Variants in KCNQ5 observed in about 807,000 individuals in gnomAD.
KCNQ5 encodes potassium voltage-gated channel subfamily Q member 5.
Under a neutral mutation model 98.2 loss-of-function variants are expected in KCNQ5, and 30 were observed. The observed-to-expected ratio is 0.31, with a 90% CI of 0.23 to 0.41. The LOEUF is 0.41. Among genes scored for constraint, KCNQ5 ranks in the 10% least tolerant of loss-of-function variants. The pLI, the probability that KCNQ5 is intolerant of heterozygous loss-of-function variation, is 1.00. For missense variants in KCNQ5, 835 were observed against 1,182.5 expected (o/e 0.71, Z 4.31); for synonymous variants, 458 against 449.4 (o/e 1.02, Z -0.24).
chr6:73,035,358 T>C (rs1771365476), intron 2 of KCNQ5, among the ~76,000 whole-genome samples: 1 of 152,212 alleles, frequency 6.6e-6, no homozygotes, highest in Non-Finnish European at 1.5e-5. Context: ...GACAGGACCA[T>C]TGTTAATAAC....
At chr6:72,990,692 A>G (rs1160364606) in intron 1 of KCNQ5, among the ~76,000 whole-genome samples, 1 of 109,730 alleles carries the variant, frequency 9.1e-6, no homozygotes, top group Admixed American at 1.1e-4. Context: ...TTCCAACACT[A>G]TGTTGAATAG....
In KCNQ5 at chr6:73,092,086, T is replaced by G. The variant is rs138238438; in HGVS notation, c.919-13171T>G. 1.9e-3 allele frequency among the ~76,000 whole-genome samples: 284 copies of G among 151,782 alleles called. 6 individuals carry two copies. The East Asian group carries it at 0.045, about 24-fold the overall frequency. ...TATTCCTAAGTTTTGTGGATTTTTT[T>G]TTTGTTTGTTTGTTTTTTGTTTCGT... On this transcript the variant is annotated intron_variant, in intron 5 of 13. Transcript: ENST00000370398.
intron 10 of KCNQ5, among the ~76,000 whole-genome samples, chr6:73,155,321 T>C (rs1777318055): frequency 6.6e-6 from 1 of 152,242 alleles, no homozygotes; most frequent in African/African-American, 2.4e-5. Context: ...ATTGTGAGTG[T>C]CCCTTGCTAT....
chr6:73,012,023 T>G (rs1770084036), intron 2 of KCNQ5, among the ~76,000 whole-genome samples: 1 of 152,106 alleles, frequency 6.6e-6, no homozygotes, highest in Non-Finnish European at 1.5e-5. Flanking sequence ...TTGGTGGGAC[T>G]GTGAAATGCT....
rs547175121 is a variant in KCNQ5, at chr6:73,139,845, G to A, written c.1468+6204G>A. 6.6e-5 allele frequency among the ~76,000 whole-genome samples: 10 copies of A among 152,070 alleles called. No homozygotes were observed. The East Asian group carries it at 1.9e-3, about 29-fold the overall frequency. ...CTCCTCAGCAGCTTCCTGACACCTCGCTCCTCAAGCTGTTTCTCTTGGTGA... is the reference window on the plus strand; with the variant it reads ...CTCCTCAGCAGCTTCCTGACACCTCACTCCTCAAGCTGTTTCTCTTGGTGA... On this transcript the variant is annotated intron_variant, in intron 10 of 13. Coordinates refer to ENST00000370398, the MANE Select transcript of KCNQ5 (RefSeq NM_019842.4).
chr6:72,954,761 T>C (rs1766966098), intron 1 of KCNQ5, among the ~76,000 whole-genome samples: 1 of 152,188 alleles, frequency 6.6e-6, no homozygotes, highest in Admixed American at 6.5e-5. Context: ...TAAGTTAGTT[T>C]AAATGGTTGG....
intron 1 of KCNQ5, among the ~76,000 whole-genome samples, chr6:72,956,826 C>T (rs1301337597): frequency 6.6e-6 from 1 of 152,004 alleles, no homozygotes; most frequent in Non-Finnish European, 1.5e-5. Flanking sequence ...GAAACTCTGG[C>T]TTTCCCCCCT....
rs1480101396 is a variant in KCNQ5 at position 72,986,631 on chromosome 6, G to A, written c.399-17277G>A. On this transcript the variant is annotated intron_variant, in intron 1 of 13. Coordinates refer to ENST00000370398, the MANE Select transcript of KCNQ5 (RefSeq NM_019842.4). ...CCTGACACCACGCTGCGTGCCAGAC[G>A]GTCAGAGAAGTCACCCAATCCCAGG... is the stretch of plus-strand genomic sequence containing the variant. 25 of 708,296 alleles carry A rather than the reference G, an allele frequency of 3.5e-5. 1 individual carries two copies. The highest frequency in any genetic ancestry group is 4.0e-5 in the Non-Finnish European group (16 of 398,644). The allele number at this position is 708,296 out of a possible 1,614,324, so 43.9% of individuals were successfully genotyped here.
chr6:73,160,207 G>A (rs1015405785), intron 10 of KCNQ5, among the ~76,000 whole-genome samples: 64 of 151,798 alleles, frequency 4.2e-4, no homozygotes, highest in African/African-American at 1.5e-3. Flanking sequence ...TAGTAGAGAC[G>A]GGGTTTCACC....
At chr6:72,972,485 T>C (rs1490311913) in intron 1 of KCNQ5, among the ~76,000 whole-genome samples, 2 of 151,628 alleles carry the variant, frequency 1.3e-5, no homozygotes, top group Non-Finnish European at 2.9e-5. Flanking sequence ...CCCTAAGTTT[T>C]CTCCCCTCAC....
At chr6:72,914,014 G>A (rs528287158) in intron 1 of KCNQ5, among the ~76,000 whole-genome samples, 1 of 152,292 alleles carries the variant, frequency 6.6e-6, no homozygotes, top group South Asian at 2.1e-4. Flanking sequence ...TCCAGGTGTA[G>A]GGAGGGCACC....
At chr6:73,130,213 C>T (rs1776172473) in intron 9 of KCNQ5, among the ~76,000 whole-genome samples, 1 of 152,190 alleles carries the variant, frequency 6.6e-6, no homozygotes. Flanking sequence ...GGCTAAAACC[C>T]TAATTAAGTA....
chr6:73,169,751 A>G lies in KCNQ5; in HGVS notation c.1474A>G (p.Thr492Ala), dbSNP rs974417513. The change falls in exon 11 of 14, where the codon ACA becomes GCA. Residue 492 changes from threonine (T) to alanine (A), a missense_variant. Physicochemically the swap from Thr to Ala is moderately conservative, Grantham distance 58. Coordinates refer to ENST00000370398, the MANE Select transcript of KCNQ5 (RefSeq NM_019842.4). ...SQPKPVIDADTALGTDDVYDE... is the reference protein window; with the variant it reads ...SQPKPVIDADAALGTDDVYDE... ...CTGGCAATATTCTCTTGCAGCTGAC[A>G]CAGCCCTTGGCACTGATGATGTATA... 1.2e-6 allele frequency: 2 copies of G among 1,611,048 alleles called. No homozygotes were observed. The highest frequency in any genetic ancestry group is 2.7e-5 in the African/African-American group (2 of 74,866).
chr6:72,900,100 T>A (rs1373853238), intron 1 of KCNQ5, among the ~76,000 whole-genome samples: 1 of 152,152 alleles, frequency 6.6e-6, no homozygotes, highest in Non-Finnish European at 1.5e-5. Flanking sequence ...CCTCCCAAAC[T>A]GCTGGGATTA....
chr6:73,163,897 A>G (rs938568124), intron 10 of KCNQ5, among the ~76,000 whole-genome samples: 1 of 152,058 alleles, frequency 6.6e-6, no homozygotes, highest in Non-Finnish European at 1.5e-5. Context: ...GCCCCTTCTA[A>G]TTTTCGCTAT....
intron 1 of KCNQ5, among the ~76,000 whole-genome samples, chr6:72,635,670 G>GTTTTTTTTTTTTTTTTTTTTTT (rs528990234): frequency 4.0e-4 from 26 of 65,070 alleles, no homozygotes; most frequent in African/African-American, 8.0e-4. Context: ...ATTGCTCCTA[G>GTTTTTTTTTTTTTTTTTTTTTT]TTTTTTTTTT....
chr6:72,924,181 C>T (rs887571982), intron 1 of KCNQ5, among the ~76,000 whole-genome samples: 1 of 151,688 alleles, frequency 6.6e-6, no homozygotes, highest in Non-Finnish European at 1.5e-5. Context: ...ATAACATGCT[C>T]ACTTGAGATC....
chr6:73,034,400 G>T (rs778439752), intron 2 of KCNQ5, among the ~76,000 whole-genome samples: 17 of 152,188 alleles, frequency 1.1e-4, no homozygotes, highest in Non-Finnish European at 2.4e-4. Flanking sequence ...AAGAATTGCT[G>T]CAAATGTCAC....
chr6:73,083,913 A>C (rs1319815119), intron 5 of KCNQ5, among the ~76,000 whole-genome samples: 1 of 152,244 alleles, frequency 6.6e-6, no homozygotes, highest in Admixed American at 6.5e-5. Flanking sequence ...ATTCACTTTT[A>C]ACACTGTATA....
Sources: gnomAD v4.1 joint callset for allele counts (sites outside exome capture counted in the v4.1 genomes callset) on GRCh38, gnomAD v4.1.1 for gene constraint, MANE v1.5 for transcripts, NCBI Gene and HGNC (gene_info 2026-07-23, HGNC 2026-07-21) for gene names.